Variants in INSC observed in about 807,000 individuals in gnomAD.
INSC encodes the protein protein inscuteable homolog.
In INSC, 67 loss-of-function variants were observed where a neutral mutation model predicts 58.6. The observed-to-expected ratio is 1.14, with a 90% CI of 0.94 to 1.40. The LOEUF is 1.40. INSC is among the 40% of genes most tolerant of loss of function. The pLI is 0.00. For missense variants in INSC, 714 were observed against 692.0 expected (o/e 1.03, Z -0.36); for synonymous variants, 262 against 276.1 (o/e 0.95, Z 0.51).
intron 5 of INSC, among the ~76,000 whole-genome samples, chr11:15,179,668 C>T (rs1849693171): frequency 6.6e-6 from 1 of 152,198 alleles, no homozygotes; most frequent in South Asian, 2.1e-4. Flanking sequence ...TTGACAGGGA[C>T]AAAGGGAAGG....
chr11:15,268,325 A>G, the INSC span, among the ~76,000 whole-genome samples: 1 of 152,074 alleles, frequency 6.6e-6, no homozygotes, highest in Non-Finnish European at 1.5e-5. Context: ...CTATAAAGAA[A>G]CTACTTTAGT....
chr11:15,199,563 G>C (rs1400048153), intron 6 of INSC, among the ~76,000 whole-genome samples: 1 of 152,210 alleles, frequency 6.6e-6, no homozygotes, highest in Admixed American at 6.5e-5. Context: ...ACATGGAACT[G>C]AGCCTGGCAC....
At chr11:15,194,191 C>CTA in intron 6 of INSC, among the ~76,000 whole-genome samples, 1 of 152,308 alleles carries the variant, frequency 6.6e-6, no homozygotes, top group South Asian at 2.1e-4. Context: ...TCAGTAAGGT[C>CTA]TTTTGTTTCT....
At chr11:15,190,559 C>T (rs1850126571) in intron 5 of INSC, 142 bp from the exon 6 acceptor site, 1 of 685,578 alleles carries the variant, frequency 1.5e-6, no homozygotes, top group Non-Finnish European at 2.7e-6. Context: ...AACTTCATTG[C>T]ACTCACAATG....
chr11:15,256,793 G>A, the INSC span, among the ~76,000 whole-genome samples: 8 of 152,088 alleles, frequency 5.3e-5, no homozygotes, highest in African/African-American at 1.7e-4. Flanking sequence ...TGGCCTGCAA[G>A]GTTGGCTGCT....
chr11:15,114,252 TG>T (rs1178379908), upstream of INSC, among the ~76,000 whole-genome samples: 6 of 16,600 alleles, frequency 3.6e-4, no homozygotes, highest in East Asian at 0.011. Flanking sequence ...AGGACGGGGG[TG>T]GGGGGTGGGG....
chr11:15,162,928 T>C (rs964485525), intron 2 of INSC, among the ~76,000 whole-genome samples: 5 of 152,178 alleles, frequency 3.3e-5, no homozygotes, highest in Non-Finnish European at 4.4e-5. Context: ...CATTGTGTCT[T>C]CCAAATTTAT....
At chr11:15,167,671 T>TG (rs1377968704) in intron 2 of INSC, among the ~76,000 whole-genome samples, 1 of 151,762 alleles carries the variant, frequency 6.6e-6, no homozygotes, top group Non-Finnish European at 1.5e-5. Context: ...ATTGTAGAGA[T>TG]GGGGGTATCG....
Position 15,240,447 on chromosome 11 carries a change from G to A in INSC, c.1394G>A (p.Cys465Tyr). 1 of 1,613,682 alleles carries A rather than the reference G, an allele frequency of 6.2e-7. No individual in the cohort carries two copies. Among genetic ancestry groups the A allele is most frequent in the Non-Finnish European group, 8.5e-7 (1 of 1,179,804 alleles). ...DVAREAVRLS[C>Y]MSRLIELCRS... ...GAGGCTCTCCCTGTGTCTCCTACAG[G>A]CATGTCCCGTCTCATCGAGCTCTGC... Residue 465 changes from cysteine (C) to tyrosine (Y), a missense_variant and splice_region_variant, in exon 12 of 13, where the codon TGC becomes TAC. Transcript: ENST00000379556.
chr11:15,216,559 G>T (rs1410474037), intron 7 of INSC, among the ~76,000 whole-genome samples: 2 of 152,084 alleles, frequency 1.3e-5, no homozygotes, highest in African/African-American at 4.8e-5. Flanking sequence ...AGAAATGCAG[G>T]GATAGTACTG....
chr11:15,257,924 G>T, the INSC span, among the ~76,000 whole-genome samples: 1 of 152,058 alleles, frequency 6.6e-6, no homozygotes, highest in East Asian at 1.9e-4. Context: ...CTTAGCTATG[G>T]CAACCCCAGG....
chr11:15,132,037 A>AT (rs1454324419), intron 1 of INSC, among the ~76,000 whole-genome samples: 1 of 151,396 alleles, frequency 6.6e-6, no homozygotes, highest in Non-Finnish European at 1.5e-5. Flanking sequence ...TTACTCATTT[A>AT]TTTTTTCCTC....
At chr11:15,169,811 T>C (rs1019429531) in intron 2 of INSC, among the ~76,000 whole-genome samples, 1 of 152,074 alleles carries the variant, frequency 6.6e-6, no homozygotes, top group Non-Finnish European at 1.5e-5. Flanking sequence ...TAGTACAGAG[T>C]GTTCCCATAT....
downstream of INSC, among the ~76,000 whole-genome samples, chr11:15,248,610 C>G (rs1360084125): frequency 2.0e-5 from 3 of 152,132 alleles, no homozygotes; most frequent in Non-Finnish European, 1.5e-5. Context: ...TAAATCGCAG[C>G]CTTTTGCATT....
intron 5 of INSC, among the ~76,000 whole-genome samples, chr11:15,188,860 A>C (rs1230995947): frequency 2.6e-5 from 4 of 152,208 alleles, no homozygotes; most frequent in Admixed American, 2.0e-4. Context: ...CTGCATTTTC[A>C]TGTGAGCATT....
intron 6 of INSC, 33 bp from the exon 7 acceptor site, chr11:15,200,791 G>T (rs1850553465): frequency 1.9e-6 from 3 of 1,613,678 alleles, no homozygotes; most frequent in African/African-American, 2.7e-5. Context: ...AGGTCACACA[G>T]TAAGATGATG....
chr11:15,209,895 G>A (rs1683243268), intron 7 of INSC, among the ~76,000 whole-genome samples: 1 of 152,120 alleles, frequency 6.6e-6, no homozygotes, highest in Non-Finnish European at 1.5e-5. Flanking sequence ...TGGGAGTTGG[G>A]GGAGTATAAA....
At chr11:15,187,816 A>G (rs1456156014) in intron 5 of INSC, among the ~76,000 whole-genome samples, 1 of 151,822 alleles carries the variant, frequency 6.6e-6, no homozygotes, top group African/African-American at 2.4e-5. Context: ...CACTCTTCTC[A>G]TGATATTGAG....
intron 6 of INSC, among the ~76,000 whole-genome samples, chr11:15,196,969 C>T (rs1850395267): frequency 6.6e-6 from 1 of 152,222 alleles, no homozygotes; most frequent in Admixed American, 6.5e-5. Flanking sequence ...CTTCCTCCCA[C>T]CTTACTTCCC....
Sources: gnomAD v4.1 joint callset for allele counts (sites outside exome capture counted in the v4.1 genomes callset) on GRCh38, gnomAD v4.1.1 for gene constraint, MANE v1.5 for transcripts, NCBI Gene and HGNC (gene_info 2026-07-23, HGNC 2026-07-21) for gene names.